Variants in PRELID2 observed in about 807,000 individuals in gnomAD.
The protein encoded by PRELID2 is PRELI domain containing 2, also known as PRELI domain-containing protein 2.
In PRELID2, 25 loss-of-function variants were observed where a neutral mutation model predicts 28.4. The observed-to-expected ratio is 0.88, with a 90% CI of 0.64 to 1.23. PRELID2 has a LOEUF of 1.23. Among genes scored for constraint, PRELID2 ranks in the 50% most tolerant of loss-of-function variants. The pLI, the probability that PRELID2 is intolerant of heterozygous loss-of-function variation, is 0.00. For synonymous variants in PRELID2, 76 were observed against 71.6 expected, an observed-to-expected ratio of 1.06 and a Z score of -0.31; for missense variants, 201 against 214.4, an observed-to-expected ratio of 0.94 and a Z score of 0.39.
the PRELID2 span, among the ~76,000 whole-genome samples, chr5:145,307,652 G>C: frequency 2.0e-5 from 3 of 152,146 alleles, no homozygotes; most frequent in Middle Eastern, 3.2e-3. Context: ...CGAGTATTCA[G>C]GTCATTCAGT....
chr5:145,326,298 A>C, the PRELID2 span, among the ~76,000 whole-genome samples: 2 of 152,168 alleles, frequency 1.3e-5, no homozygotes, highest in Non-Finnish European at 2.9e-5. Context: ...AAACCACTGC[A>C]GTCAGCCACA....
At chr5:145,380,809 G>A in the PRELID2 span, among the ~76,000 whole-genome samples, 1 of 151,962 alleles carries the variant, frequency 6.6e-6, no homozygotes, top group African/African-American at 2.4e-5. Context: ...CTTTTACTTT[G>A]CCCCCACAAA....
Position 145,835,296 on chromosome 5 carries a change from C to T in PRELID2, c.-45G>A, listed in dbSNP as rs747206467. On this transcript the variant is annotated 5_prime_UTR_variant, in exon 1 of 7. Transcript: ENST00000683046. ...CGCGCACCGGCCACGCCTCCGCGAG[C>T]TCAGAGCTGCCCAGGGCTCCGCAGA... 1 of 1,397,824 alleles carries T rather than the reference C, an allele frequency of 7.2e-7. No homozygotes were observed. Among genetic ancestry groups the T allele is most frequent in the East Asian group, 2.5e-5 (1 of 40,048 alleles). 86.6% of individuals were successfully genotyped at this position (1,397,824 alleles called of 1,614,324 possible). A position where few individuals can be genotyped will look rare whatever the true frequency, so the allele number is the denominator to read the frequency against.
chr5:145,429,063 C>A, the PRELID2 span, among the ~76,000 whole-genome samples: 2 of 152,104 alleles, frequency 1.3e-5, no homozygotes, highest in African/African-American at 4.8e-5. Context: ...CCTGGGAGCC[C>A]TTAAGCAGAG....
chr5:145,608,903 C>T (rs1014179790), intron 1 of PRELID2, among the ~76,000 whole-genome samples: 2 of 152,198 alleles, frequency 1.3e-5, no homozygotes, highest in South Asian at 4.1e-4. Context: ...GGTCTATTTA[C>T]ATAATCTCAT....
intron 1 of PRELID2, chr5:145,729,356 C>A: frequency 1.6e-6 from 1 of 635,442 alleles, no homozygotes; most frequent in South Asian, 2.6e-5. Context: ...TGCCTCTGTT[C>A]TCATTAAATC....
At chr5:145,395,298 G>A in the PRELID2 span, among the ~76,000 whole-genome samples, 1 of 152,022 alleles carries the variant, frequency 6.6e-6, no homozygotes, top group Non-Finnish European at 1.5e-5. Flanking sequence ...AAAACGACAG[G>A]AATTGCCTGC....
rs572504814 is a variant in PRELID2, at chr5:145,771,529, G to C, written c.475-6529C>G. 2.0e-5 allele frequency among the ~76,000 whole-genome samples: 3 copies of C among 151,834 alleles called. No individual in the cohort carries two copies. In the South Asian group the frequency reaches 6.2e-4, roughly 32 times the overall value. On this transcript the variant is annotated intron_variant, in intron 5 of 6. Transcript: ENST00000683046. Reference sequence around the variant, plus strand: ...CGTAAGTGTGACACACAGAGATAAAGGGAAAGACCAAGGAGAAGGAGGCTT... The same window carrying C: ...CGTAAGTGTGACACACAGAGATAAACGGAAAGACCAAGGAGAAGGAGGCTT...
intron 1 of PRELID2, among the ~76,000 whole-genome samples, chr5:145,556,987 G>A (rs933068931): frequency 1.3e-5 from 2 of 152,124 alleles, no homozygotes; most frequent in African/African-American, 4.8e-5. Context: ...ATGACACCGT[G>A]TGACTTAACT....
chr5:145,313,512 C>A, the PRELID2 span, among the ~76,000 whole-genome samples: 1 of 151,178 alleles, frequency 6.6e-6, no homozygotes, highest in African/African-American at 2.5e-5. Flanking sequence ...AAAACTTTTC[C>A]TGCATCTGCT....
intron 1 of PRELID2, among the ~76,000 whole-genome samples, chr5:145,587,001 A>G (rs1236944467): frequency 6.6e-6 from 1 of 152,100 alleles, no homozygotes; most frequent in Non-Finnish European, 1.5e-5. Flanking sequence ...AATTCAGTGA[A>G]ACTAATTGGT....
chr5:145,254,556 C>G, the PRELID2 span, among the ~76,000 whole-genome samples: 1 of 152,008 alleles, frequency 6.6e-6, no homozygotes, highest in Non-Finnish European at 1.5e-5. Context: ...CTGTTTAATT[C>G]TGAGGGCAAA....
At chr5:145,249,782 T>G in the PRELID2 span, among the ~76,000 whole-genome samples, 4 of 152,202 alleles carry the variant, frequency 2.6e-5, no homozygotes, top group East Asian at 5.8e-4. Context: ...TTATGATTCT[T>G]TACAGAAAAA....
At chr5:145,338,832 C>A in the PRELID2 span, among the ~76,000 whole-genome samples, 1 of 152,156 alleles carries the variant, frequency 6.6e-6, no homozygotes, top group South Asian at 2.1e-4. Context: ...GGCTCCAATG[C>A]CTATGTACTA....
chr5:145,342,703 G>A, the PRELID2 span, among the ~76,000 whole-genome samples: 3 of 150,626 alleles, frequency 2.0e-5, no homozygotes, highest in African/African-American at 4.9e-5. Context: ...CTCTGGGGGT[G>A]TCATTTTTTT....
intron 1 of PRELID2, among the ~76,000 whole-genome samples, chr5:145,662,420 T>C (rs762038688): frequency 5.3e-5 from 8 of 152,176 alleles, no homozygotes; most frequent in Non-Finnish European, 7.3e-5. Flanking sequence ...TCCTGTTCAG[T>C]ACTTGCTGGA....
the PRELID2 span, among the ~76,000 whole-genome samples, chr5:145,297,014 C>A: frequency 6.6e-6 from 1 of 152,030 alleles, no homozygotes; most frequent in African/African-American, 2.4e-5. Flanking sequence ...CTGTTCATGT[C>A]CTTCGCCCAC....
the PRELID2 span, among the ~76,000 whole-genome samples, chr5:145,245,987 G>A: frequency 6.6e-6 from 1 of 151,900 alleles, no homozygotes; most frequent in Non-Finnish European, 1.5e-5. Flanking sequence ...GGGAGGTCAG[G>A]AAACTCCCAA....
At chr5:145,586,058 C>G (rs1016684413) in intron 1 of PRELID2, among the ~76,000 whole-genome samples, 1 of 151,946 alleles carries the variant, frequency 6.6e-6, no homozygotes, top group Non-Finnish European at 1.5e-5. Flanking sequence ...AACTGTGAAG[C>G]AAGTGAAAGA....
Sources: gnomAD v4.1 joint callset for allele counts (sites outside exome capture counted in the v4.1 genomes callset) on GRCh38, gnomAD v4.1.1 for gene constraint, MANE v1.5 for transcripts, NCBI Gene and HGNC (gene_info 2026-07-23, HGNC 2026-07-21) for gene names.